Variants in HDAC9 observed in about 807,000 individuals in gnomAD.
HDAC9 encodes MEF-2 interacting transcription repressor (MITR) protein.
HDAC9 carries 41 observed loss-of-function variants against 139.4 expected under a neutral mutation model. That is an observed-to-expected ratio of 0.29 (90% CI 0.23 to 0.38). HDAC9 has a LOEUF of 0.38. Ranked by LOEUF, HDAC9 falls within the 10% of genes least tolerant of loss-of-function variation. The pLI, the probability that HDAC9 is intolerant of heterozygous loss-of-function variation, is 1.00. For missense variants in HDAC9, 1,147 were observed against 1,297.0 expected, an observed-to-expected ratio of 0.88 and a Z score of 1.78; for synonymous variants, 517 against 476.2, an observed-to-expected ratio of 1.09 and a Z score of -1.12.
chr7:18,987,034 CTT>C (rs1222622083), intron 25 of HDAC9, among the ~76,000 whole-genome samples: 1 of 152,174 alleles, frequency 6.6e-6, no homozygotes, highest in Non-Finnish European at 1.5e-5. Flanking sequence ...TTGACTTCCT[CTT>C]TTCCTAATTG....
intron 5 of HDAC9, among the ~76,000 whole-genome samples, chr7:18,592,159 G>C (rs1473896961): frequency 6.6e-6 from 1 of 151,974 alleles, no homozygotes; most frequent in Non-Finnish European, 1.5e-5. Flanking sequence ...AGGAAGAAAG[G>C]AAGATAAGGG....
chr7:18,232,090 T>C (rs1793499092), intron 2 of HDAC9, among the ~76,000 whole-genome samples: 1 of 152,188 alleles, frequency 6.6e-6, no homozygotes, highest in African/African-American at 2.4e-5. Flanking sequence ...TAAGCACATA[T>C]AAAATAAGCA....
chr7:18,202,820 C>T (rs1791236951), intron 2 of HDAC9, among the ~76,000 whole-genome samples: 1 of 152,148 alleles, frequency 6.6e-6, no homozygotes, highest in African/African-American at 2.4e-5. Context: ...TGTCACAGTA[C>T]ACCTGGAATG....
chr7:18,366,353 A>G (rs1784178839), intron 1 of HDAC9, among the ~76,000 whole-genome samples: 1 of 152,150 alleles, frequency 6.6e-6, no homozygotes, highest in South Asian at 2.1e-4. Flanking sequence ...CTGACATAGC[A>G]TAGAACTTTG....
intron 2 of HDAC9, among the ~76,000 whole-genome samples, chr7:18,553,685 A>G (rs1439056937): frequency 6.6e-6 from 1 of 152,190 alleles, no homozygotes; most frequent in Non-Finnish European, 1.5e-5. Flanking sequence ...TTTCTCCCCG[A>G]GGCAAATAAT....
intron 2 of HDAC9, among the ~76,000 whole-genome samples, chr7:18,225,499 T>C (rs1792994997): frequency 6.6e-6 from 1 of 152,184 alleles, no homozygotes; most frequent in Non-Finnish European, 1.5e-5. Flanking sequence ...TTATGTTTTA[T>C]GCAGTAGCAT....
chr7:18,622,882 A>G (rs1025581037), intron 6 of HDAC9, among the ~76,000 whole-genome samples: 10 of 151,876 alleles, frequency 6.6e-5, no homozygotes, highest in Admixed American at 6.6e-5. Flanking sequence ...AGTGGCTCAC[A>G]TCTGTAATCC....
At chr7:18,620,996 T>G (rs549169701) in intron 6 of HDAC9, among the ~76,000 whole-genome samples, 4 of 152,202 alleles carry the variant, frequency 2.6e-5, no homozygotes, top group Non-Finnish European at 5.9e-5. Flanking sequence ...CAAAACAATG[T>G]GTAGTACACC....
rs373795936 is a variant in HDAC9, at chr7:18,835,946, C to T, written c.2633C>T (p.Thr878Ile). Residue 878 changes from threonine (T) to isoleucine (I), a missense_variant, in exon 21 of 26, where the codon ACA becomes ATA. Physicochemically the swap from Thr to Ile is moderately conservative, Grantham distance 89 (BLOSUM62 -1). Coordinates refer to ENST00000686413, the MANE Select transcript of HDAC9 (RefSeq NM_178425.4). ...GGGTACAATATAAATATTGCCTGGA[C>T]AGGTGGCCTTGATCCTCCCATGGGA... is the stretch of plus-strand genomic sequence containing the variant. ...GEGYNINIAW[T>I]GGLDPPMGDV... The T allele has an allele frequency of 3.2e-6, 5 of 1,565,484 alleles. No homozygotes were observed. The highest frequency in any genetic ancestry group is 4.3e-6 in the Non-Finnish European group (5 of 1,153,502).
At chr7:18,093,681 A>G (rs576123692) in intron 1 of HDAC9, among the ~76,000 whole-genome samples, 1 of 152,294 alleles carries the variant, frequency 6.6e-6, no homozygotes, top group African/African-American at 2.4e-5. Context: ...AGGTAACATT[A>G]TGAATTCTCA....
chr7:18,228,026 A>G (rs531577454), intron 2 of HDAC9, among the ~76,000 whole-genome samples: 92 of 152,320 alleles, frequency 6.0e-4, no homozygotes, highest in African/African-American at 1.9e-3. Context: ...TCCAGAATAA[A>G]TCAAAATAAA....
intron 6 of HDAC9, among the ~76,000 whole-genome samples, chr7:18,600,715 C>T (rs1298674227): frequency 6.6e-6 from 1 of 152,172 alleles, no homozygotes; most frequent in Non-Finnish European, 1.5e-5. Context: ...ACTGTCAGTC[C>T]TCTTAACTCT....
intron 1 of HDAC9, among the ~76,000 whole-genome samples, chr7:18,434,655 A>C (rs1381802068): frequency 3.3e-5 from 5 of 152,174 alleles, no homozygotes; most frequent in Non-Finnish European, 7.4e-5. Context: ...CAACATCACT[A>C]ATCATTAGAG....
At chr7:18,921,557 TC>T (rs1375455862) in intron 22 of HDAC9, among the ~76,000 whole-genome samples, 1 of 152,080 alleles carries the variant, frequency 6.6e-6, no homozygotes, top group African/African-American at 2.4e-5. Context: ...AGAATGGCAA[TC>T]ATTAAAAAGT....
chr7:18,345,663 A>G (rs1484487971), intron 1 of HDAC9, among the ~76,000 whole-genome samples: 1 of 151,542 alleles, frequency 6.6e-6, no homozygotes. Flanking sequence ...AAAGAGGTGC[A>G]TTTGTTTCTC....
At position 18,306,854 on chromosome 7, in the gene HDAC9, G is replaced by A. The variant is rs547361678; in HGVS notation, c.-42+16339G>A. On this transcript the variant is annotated intron_variant, in intron 1 of 3. Coordinates refer to the HDAC9 transcript ENST00000413509. ...TTTGCTTGTGCTATTTTGGATTTGC[G>A]AAACACCCCCCACTTACTTAAATTC... Among the ~76,000 whole-genome samples, 14 of 151,940 alleles carry A rather than the reference G, an allele frequency of 9.2e-5. 1 individual carries two copies. The East Asian group carries it at 1.2e-3, about 13-fold the overall frequency.
At chr7:18,343,577 C>G (rs1782177110) in intron 1 of HDAC9, among the ~76,000 whole-genome samples, 1 of 151,710 alleles carries the variant, frequency 6.6e-6, no homozygotes, top group African/African-American at 2.4e-5. Flanking sequence ...AAAATTAAAA[C>G]AGAAATTTAA....
chr7:18,371,183 C>T (rs1161604891), intron 1 of HDAC9, among the ~76,000 whole-genome samples: 2 of 152,264 alleles, frequency 1.3e-5, no homozygotes, highest in African/African-American at 4.8e-5. Flanking sequence ...TGCTCCGCAG[C>T]AATAATCGAA....
At chr7:18,984,722 C>A (rs1785191908) in intron 25 of HDAC9, among the ~76,000 whole-genome samples, 1 of 151,944 alleles carries the variant, frequency 6.6e-6, no homozygotes, top group African/African-American at 2.4e-5. Flanking sequence ...ATGCCATTAG[C>A]TGAGAGAGAA....
Sources: gnomAD v4.1 joint callset for allele counts (sites outside exome capture counted in the v4.1 genomes callset) on GRCh38, gnomAD v4.1.1 for gene constraint, MANE v1.5 for transcripts, NCBI Gene and HGNC (gene_info 2026-07-23, HGNC 2026-07-21) for gene names.